The following DHX38 variants were observed in gnomAD, a reference collection of about 807,000 sequenced individuals.
The protein encoded by DHX38 is pre-mRNA-splicing factor ATP-dependent RNA helicase PRP16.
DHX38 carries 100 observed loss-of-function variants against 153.1 expected under a neutral mutation model. The ratio of observed to expected loss-of-function variants is 0.65; its 90% CI spans 0.56 to 0.77. The LOEUF (loss-of-function observed/expected upper bound fraction) is 0.77, where lower values mean the gene tolerates loss of function less well. Ranked by LOEUF, DHX38 falls within the 30% of genes least tolerant of loss-of-function variation. The probability of loss-of-function intolerance (pLI) is 0.00; values close to 1 mark genes in which losing one functional copy is unlikely to be tolerated. For missense variants in DHX38, 1,440 were observed against 1,654.0 expected, an observed-to-expected ratio of 0.87 and a Z score of 2.24; for synonymous variants, 650 against 631.7, an observed-to-expected ratio of 1.03 and a Z score of -0.43.
At chr16:72,099,648 C>T (rs1255793707) in intron 7 of DHX38, 84 bp from the exon 8 acceptor site, 19 of 1,549,040 alleles carry the variant, frequency 1.2e-5, no homozygotes, top group African/African-American at 1.4e-5. Flanking sequence ...GACTTCCTAC[C>T]AAGCGTCCCT....
chr16:72,099,417 A>G, intron 7 of DHX38, 137 bp downstream of exon 7: 1 of 814,466 alleles, frequency 1.2e-6, no homozygotes, highest in East Asian at 2.7e-5. Flanking sequence ...CTCTTTGCAG[A>G]GGCATAGACG....
intron 19 of DHX38, among the ~76,000 whole-genome samples, chr16:72,106,748 G>GC (rs2042183741): frequency 6.6e-6 from 1 of 152,104 alleles, no homozygotes; most frequent in African/African-American, 2.4e-5. Context: ...ACTCTGCCTG[G>GC]CTCTCTTCCC....
intron 13 of DHX38, 33 bp from the exon 14 acceptor site, chr16:72,103,913 C>T (rs1432912068): frequency 1.9e-6 from 3 of 1,610,174 alleles, no homozygotes; most frequent in Admixed American, 1.7e-5. Context: ...GAGCCGGTGG[C>T]CAGGGCATCT....
chr16:72,108,295 C>T lies in DHX38; in HGVS notation c.3033C>T (p.Tyr1011=). The change falls in exon 22 of 27, where the codon TAC becomes TAT. Residue 1011 remains tyrosine (Y), a synonymous_variant. Transcript: ENST00000268482. ...FAVPESDHLT[Y]LNVYLQWKNN... ...TTCCTGAGAGCGATCATTTGACCTA[C>T]CTGAATGTTTACCTGCAGTGGAAGA... is the stretch of plus-strand genomic sequence containing the variant. The T allele has an allele frequency of 6.2e-7, 1 of 1,614,138 alleles. No homozygotes were observed. Among genetic ancestry groups the T allele is most frequent in the Non-Finnish European group, 8.5e-7 (1 of 1,180,028 alleles).
chr16:72,103,887 G>A (rs556589281), intron 13 of DHX38, 59 bp from the exon 14 acceptor site: 23 of 1,605,430 alleles, frequency 1.4e-5, no homozygotes, highest in East Asian at 6.7e-5. Context: ...ACCCCAGTAC[G>A]GGGTGTGCTG....
rs1487583924 is a variant in DHX38, at chr16:72,107,404, A to G, written c.2665A>G (p.Thr889Ala). 6.2e-7 allele frequency: 1 copy of G among 1,613,882 alleles called. No individual in the cohort carries two copies. The part of the protein sequence containing the change: ...LTTTVPEIQR[T>A]NLANVVLLLK... ...CACCACAGTGCCCGAGATCCAGAGG[A>G]CTAACCTGGCCAACGTGGTGCTGCT... Residue 889 changes from threonine (T) to alanine (A), a missense_variant, in exon 20 of 27, where the codon ACT becomes GCT. Physicochemically the swap from Thr to Ala is moderately conservative, Grantham distance 58. This residue lies in a region of DHX38 where 543 missense variants were observed against 717.9 expected (regional missense o/e 0.76). Transcript: ENST00000268482. This position sits in a 1 kb window ranked among gnomAD's most constrained non-coding sequence, Gnocchi z 5.3.
chr16:72,098,043 A>G (rs1179155288), intron 4 of DHX38, among the ~76,000 whole-genome samples: 9 of 152,222 alleles, frequency 5.9e-5, no homozygotes, highest in Non-Finnish European at 1.2e-4. Flanking sequence ...AGGTAGAAGA[A>G]GTGTTTATTA....
In DHX38 at chr16:72,104,692, C is replaced by CTGGAGGG. The variant is rs1340569812; in HGVS notation, c.2151+77_2151+83dup. ...ACGCACTTCTCTGATGCGAAGCCGG[C>CTGGAGGG]TGGAGGGTGGAGGGTGGGTAGGGGA... On this transcript the variant is annotated intron_variant, in intron 15 of 26. Transcript: ENST00000268482. The surrounding 1 kb of genome is among the most constrained non-coding windows in gnomAD (Gnocchi z 4.5). 1.3e-5 allele frequency: 21 copies of CTGGAGGG among 1,601,546 alleles called. No homozygotes were observed. In the East Asian group the frequency reaches 4.2e-4, roughly 32 times the overall value.
chr16:72,110,103 A>G (rs1467586567), intron 25 of DHX38, among the ~76,000 whole-genome samples: 1 of 152,210 alleles, frequency 6.6e-6, no homozygotes, highest in Non-Finnish European at 1.5e-5. Flanking sequence ...GCAACTGCTT[A>G]TGTGTGTTAA....
chr16:72,105,029 C>T lies in DHX38; in HGVS notation c.2154C>T (p.Thr718=). 1 of 1,613,880 alleles carries T rather than the reference C, an allele frequency of 6.2e-7. No homozygotes were observed. The change falls in exon 16 of 27, where the codon ACC becomes ACT. Residue 718 remains threonine, a splice_region_variant and synonymous_variant. Coordinates refer to ENST00000268482, the MANE Select transcript of DHX38 (RefSeq NM_014003.4). ...TFPVDILFSK[T]PQEDYVEAAV... is the part of the protein sequence containing the mutation. The stretch of plus-strand genomic sequence containing the variant: ...CTGTGTCCCCACTGCTGTTGCAGAC[C>T]CCACAGGAGGATTACGTGGAGGCTG...
rs997771639 is a variant in DHX38, at chr16:72,103,808, G to C, written c.1824+20G>C. ...GAGGAGGTGAGTGGGCGTGGGGGCT[G>C]AGCCATGTAGTTATTCCCTAGTAGC... On this transcript the variant is annotated intron_variant, in intron 13 of 26. Transcript: ENST00000268482. 29 of 1,603,592 alleles carry C rather than the reference G, an allele frequency of 1.8e-5. No individual in the cohort carries two copies. The highest frequency in any genetic ancestry group is 2.4e-5 in the Non-Finnish European group (28 of 1,171,276).
rs1384336494 is a variant in DHX38, at chr16:72,096,396, A to T, written c.239A>T (p.Lys80Met). 6.2e-7 allele frequency: 1 copy of T among 1,614,184 alleles called. No individual in the cohort carries two copies. Among genetic ancestry groups the T allele is most frequent in the Non-Finnish European group, 8.5e-7 (1 of 1,180,032 alleles). The change falls in exon 2 of 27, where the codon AAG becomes ATG. Residue 80 changes from lysine (K) to methionine (M), a missense_variant. Physicochemically the swap from Lys to Met is moderately conservative, Grantham distance 95 (BLOSUM62 -1). This residue lies in a region of DHX38 where 483 missense variants were observed against 465.1 expected (regional missense o/e 1.04). Coordinates refer to ENST00000268482, the MANE Select transcript of DHX38 (RefSeq NM_014003.4). Reference protein sequence around the residue: ...DKKKSKVSSYKDWEESKDDQK... With the variant: ...DKKKSKVSSYMDWEESKDDQK... ...AAGAAGTCCAAAGTCTCCTCCTACAAGGACTGGGAAGAGAGCAAGGATGAC... is the reference window on the plus strand; with the variant it reads ...AAGAAGTCCAAAGTCTCCTCCTACATGGACTGGGAAGAGAGCAAGGATGAC...
Position 72,103,148 on chromosome 16 carries a change from T to A in DHX38, c.1574T>A (p.Ile525Asn). The A allele has an allele frequency of 6.2e-7, 1 of 1,614,212 alleles. No individual in the cohort carries two copies. Among genetic ancestry groups the A allele is most frequent in the Non-Finnish European group, 8.5e-7 (1 of 1,180,038 alleles). The change falls in exon 12 of 27, where the codon ATC becomes AAC. Residue 525 changes from isoleucine (I) to asparagine (N), a missense_variant. This residue lies in a region of DHX38 where 241 missense variants were observed against 229.5 expected (regional missense o/e 1.05). Coordinates refer to ENST00000268482, the MANE Select transcript of DHX38 (RefSeq NM_014003.4). The stretch of plus-strand genomic sequence containing the variant: ...AGTGAATTTGCAAAGAAGAAGTCCA[T>A]CCTGGAGCAGAGGCAGTACCTGCCC... ...ASSEFAKKKS[I>N]LEQRQYLPIF...
rs2042094194 is a variant in DHX38 at position 72,101,136 on chromosome 16, T to G, written c.1329T>G (p.Ile443Met). 6.2e-7 allele frequency: 1 copy of G among 1,614,146 alleles called. No homozygotes were observed. Among genetic ancestry groups the G allele is most frequent in the Non-Finnish European group, 8.5e-7 (1 of 1,180,054 alleles). The change falls in exon 10 of 27, where the codon ATT becomes ATG. Residue 443 changes from isoleucine (I) to methionine (M), a missense_variant. Coordinates refer to ENST00000268482, the MANE Select transcript of DHX38 (RefSeq NM_014003.4). Reference protein sequence around the residue: ...VKDATSDLAIIARKGSQTVRK... With the variant: ...VKDATSDLAIMARKGSQTVRK... ...ATGCTACTTCTGACCTGGCCATCAT[T>G]GCTCGGAAAGGCAGCCAGACAGTGC...
chr16:72,100,878 G>T (rs1412150932), intron 9 of DHX38, among the ~76,000 whole-genome samples: 1 of 152,294 alleles, frequency 6.6e-6, no homozygotes, highest in African/African-American at 2.4e-5. Flanking sequence ...AGTGAGCAGA[G>T]ATCACACCAC....
chr16:72,112,325 C>CAGTA (rs1454321231), intron 26 of DHX38, 88 bp from the exon 27 acceptor site: 6 of 1,330,938 alleles, frequency 4.5e-6, no homozygotes, highest in South Asian at 2.4e-5. Context: ...GGGTTAGGAA[C>CAGTA]AGTAAGTCCT....
chr16:72,094,270 C>G (rs1039020479), intron 1 of DHX38: 5 of 152,676 alleles, frequency 3.3e-5, no homozygotes, highest in Admixed American at 1.3e-4. Flanking sequence ...CTGGAGCGGC[C>G]TCGCTGAGAT....
chr16:72,094,802 A>G (rs1348097962), intron 1 of DHX38, among the ~76,000 whole-genome samples: 2 of 152,234 alleles, frequency 1.3e-5, no homozygotes, highest in Non-Finnish European at 2.9e-5. Flanking sequence ...TTTGCTAGAC[A>G]TTGAGCTACA....
rs576128612 is a variant in DHX38 at position 72,097,949 on chromosome 16, G to A, written c.616+168G>A. On this transcript the variant is annotated intron_variant, in intron 4 of 26. Transcript: ENST00000268482. ...GTCAGGTGGGCACAGCTCTGCACTT[G>A]GGGTGGATATGGTTCCTGTAAGGTG... Among the ~76,000 whole-genome samples the A allele has an allele frequency of 1.8e-4, 28 of 152,304 alleles. No homozygotes were observed. In the South Asian group the frequency reaches 5.8e-3, roughly 32 times the overall value.
Sources: gnomAD v4.1 joint callset for allele counts (sites outside exome capture counted in the v4.1 genomes callset) on GRCh38, gnomAD v4.1.1 for gene constraint, gnomAD v4.1.1 regional missense constraint, Gnocchi (gnomAD v3.1) non-coding constraint, MANE v1.5 for transcripts, NCBI Gene and HGNC (gene_info 2026-07-23, HGNC 2026-07-21) for gene names.